ATP8B4: variants seen among roughly 807,000 people sequenced by gnomAD.
ATP8B4 encodes ATPase phospholipid transporting 8B4 (putative), also known as probable phospholipid-transporting ATPase IM.
In ATP8B4, 133 loss-of-function variants were observed where a neutral mutation model predicts 145.6. That is an observed-to-expected ratio of 0.91 (90% confidence interval 0.79 to 1.05). ATP8B4 has a LOEUF of 1.05. Ranked by LOEUF, ATP8B4 falls within the 50% of genes least tolerant of loss-of-function variation. The pLI is 0.00. For missense variants in ATP8B4, 1,458 were observed against 1,425.2 expected (o/e 1.02, Z -0.37); for synonymous variants, 507 against 492.9 (o/e 1.03, Z -0.38).
intron 1 of ATP8B4, among the ~76,000 whole-genome samples, chr15:50,141,330 A>ACT (rs1395694337): frequency 1.3e-5 from 2 of 151,672 alleles, no homozygotes; most frequent in African/African-American, 4.8e-5. Flanking sequence ...AAGTTTCCAG[A>ACT]CTCTCCAAGG....
intron 2 of ATP8B4, among the ~76,000 whole-genome samples, chr15:50,091,595 G>A (rs1301232890): frequency 1.3e-5 from 2 of 152,198 alleles, no homozygotes; most frequent in Admixed American, 6.5e-5. Flanking sequence ...GTAGTTTGAA[G>A]CATTTCCAAA....
chr15:49,990,412 C>G (rs1326995923), intron 9 of ATP8B4, among the ~76,000 whole-genome samples: 1 of 151,342 alleles, frequency 6.6e-6, no homozygotes, highest in African/African-American at 2.5e-5. Flanking sequence ...AATAATAAAG[C>G]TGGAAGAAAA....
rs764517232 is a variant in ATP8B4 at position 49,860,411 on chromosome 15, C to A, written c.3362G>T (p.Arg1121Leu). Reference sequence around the variant, plus strand: ...TCCAGACCTTCTTGAGCTTGACCTGCGGGTCCGAGGCCTTCGGCTACTTGG... The same window carrying A: ...TCCAGACCTTCTTGAGCTTGACCTGAGGGTCCGAGGCCTTCGGCTACTTGG... ...RPPSSRRPRT[R>L]RSSSRRSGYA... The change falls in exon 28 of 28, where the codon CGC becomes CTC. Residue 1121 changes from arginine (R) to leucine (L), a missense_variant. By Grantham distance (102) the Arg-to-Leu change is moderately radical. Transcript: ENST00000284509. The A allele has an allele frequency of 1.2e-6, 2 of 1,613,972 alleles. No homozygotes were observed. The highest frequency in any genetic ancestry group is 1.7e-6 in the Non-Finnish European group (2 of 1,180,010).
chr15:49,870,136 T>C (rs927469304), intron 25 of ATP8B4, among the ~76,000 whole-genome samples: 2 of 152,244 alleles, frequency 1.3e-5, no homozygotes, highest in African/African-American at 4.8e-5. Flanking sequence ...TAAATACTTA[T>C]ACATTCATAT....
At chr15:49,890,403 A>T (rs2036657932) in intron 23 of ATP8B4, among the ~76,000 whole-genome samples, 1 of 152,188 alleles carries the variant, frequency 6.6e-6, no homozygotes. Context: ...CAATCCTGTT[A>T]AAGCAGTTTA....
intron 13 of ATP8B4, among the ~76,000 whole-genome samples, chr15:49,969,867 T>G (rs1306856192): frequency 6.6e-6 from 1 of 151,970 alleles, no homozygotes; most frequent in Non-Finnish European, 1.5e-5. Context: ...AGTGCGAAAA[T>G]CCTCAATAAA....
At chr15:50,111,733 GGCACATAATGAGA>G (rs2056956100) in intron 1 of ATP8B4, among the ~76,000 whole-genome samples, 1 of 152,172 alleles carries the variant, frequency 6.6e-6, no homozygotes, top group Non-Finnish European at 1.5e-5. Flanking sequence ...GTGGGGACAG[GGCACATAATGAGA>G]GTGTACATTT....
chr15:49,862,313 C>T lies in ATP8B4; in HGVS notation c.3229G>A (p.Ala1077Thr). 1 of 1,613,848 alleles carries T rather than the reference C, an allele frequency of 6.2e-7. No homozygotes were observed. Among genetic ancestry groups the T allele is most frequent in the Non-Finnish European group, 8.5e-7 (1 of 1,179,792 alleles). ...AATGCCACCACTGGCATAACTGAAG[C>T]CACTGTTGTTAAGAGAATTACAAGC... ...IWLVILLTTV[A>T]SVMPVVAFRF... is the part of the protein sequence containing the mutation. Residue 1077 changes from alanine (A) to threonine (T), a missense_variant, in exon 27 of 28, where the codon GCT becomes ACT. Physicochemically the swap from Ala to Thr is moderately conservative, Grantham distance 58 (BLOSUM62 0). Coordinates refer to ENST00000284509, the MANE Select transcript of ATP8B4 (RefSeq NM_024837.4).
intron 14 of ATP8B4, among the ~76,000 whole-genome samples, chr15:49,947,970 T>TA (rs1386994008): frequency 2.0e-5 from 3 of 151,920 alleles, no homozygotes; most frequent in Admixed American, 2.0e-4. Flanking sequence ...AAAATCAAAT[T>TA]AAAATACATT....
chr15:50,045,148 T>C (rs1377531769), intron 4 of ATP8B4, among the ~76,000 whole-genome samples: 1 of 152,222 alleles, frequency 6.6e-6, no homozygotes, highest in Non-Finnish European at 1.5e-5. Context: ...TTGAGTTAGA[T>C]TCCTACTAGG....
chr15:49,926,134 A>G (rs1041356535), intron 16 of ATP8B4, among the ~76,000 whole-genome samples: 1 of 152,026 alleles, frequency 6.6e-6, no homozygotes, highest in Non-Finnish European at 1.5e-5. Flanking sequence ...TCAAATGTGT[A>G]TCTCCTGTCC....
chr15:50,120,593 T>C (rs545274220), upstream of ATP8B4, among the ~76,000 whole-genome samples: 1 of 152,286 alleles, frequency 6.6e-6, no homozygotes, highest in African/African-American at 2.4e-5. Flanking sequence ...GTAGTGCCTA[T>C]CAAGTATTGA....
In ATP8B4 at chr15:49,879,504, AGTG is replaced by A. The variant is rs1444361476; in HGVS notation, c.2698-48_2698-46del. On this transcript the variant is annotated intron_variant, in intron 23 of 27. Transcript: ENST00000284509. ...ATAAGTGAGAAACATCATCCATAGT[AGTG>A]AGAATATTCACATTTAGGTTAAATA... 4 of 1,492,208 alleles carry A rather than the reference AGTG, an allele frequency of 2.7e-6. No homozygotes were observed. In the African/African-American group the frequency reaches 5.7e-5, roughly 21 times the overall value. The allele number at this position is 1,492,208 out of a possible 1,614,324, so 92.4% of individuals were successfully genotyped here.
At chr15:50,024,363 T>C (rs1567217136) in intron 6 of ATP8B4, among the ~76,000 whole-genome samples, 1 of 152,238 alleles carries the variant, frequency 6.6e-6, no homozygotes, top group Non-Finnish European at 1.5e-5. Context: ...TTACAGTTCA[T>C]ATGGTTTCCA....
chr15:50,040,692 T>C (rs1477454033), intron 5 of ATP8B4, among the ~76,000 whole-genome samples: 1 of 152,204 alleles, frequency 6.6e-6, no homozygotes, highest in East Asian at 1.9e-4. Flanking sequence ...CTCGGGGAGA[T>C]GCAATCACTT....
intron 18 of ATP8B4, among the ~76,000 whole-genome samples, chr15:49,919,480 C>G (rs2040052740): frequency 6.6e-6 from 1 of 152,112 alleles, no homozygotes; most frequent in South Asian, 2.1e-4. Context: ...TGCAGTGGCG[C>G]GATCTCGGCT....
At chr15:49,914,665 AG>A (rs1400328198) in intron 20 of ATP8B4, among the ~76,000 whole-genome samples, 1 of 152,188 alleles carries the variant, frequency 6.6e-6, no homozygotes, top group Admixed American at 6.5e-5. Context: ...GAACATGAAT[AG>A]ACATTTCTCA....
At chr15:49,935,670 A>C (rs2041673266) in intron 14 of ATP8B4, among the ~76,000 whole-genome samples, 1 of 152,150 alleles carries the variant, frequency 6.6e-6, no homozygotes, top group Non-Finnish European at 1.5e-5. Context: ...AATTACTCTC[A>C]AACTTCAGAA....
intron 2 of ATP8B4, among the ~76,000 whole-genome samples, chr15:50,083,654 C>T (rs73400841): frequency 0.055 from 8,392 of 152,198 alleles, 405 homozygotes; most frequent in African/African-American, 0.13. Flanking sequence ...TGCTTGATAC[C>T]TCAGGGGTTG....
Sources: gnomAD v4.1 joint callset for allele counts (sites outside exome capture counted in the v4.1 genomes callset) on GRCh38, gnomAD v4.1.1 for gene constraint, MANE v1.5 for transcripts, NCBI Gene and HGNC (gene_info 2026-07-23, HGNC 2026-07-21) for gene names.